Variants in TGFBRAP1 observed in about 807,000 individuals in gnomAD.
The protein encoded by TGFBRAP1 is transforming growth factor beta receptor associated protein 1.
Under a neutral mutation model 83.2 loss-of-function variants are expected in TGFBRAP1, and 20 were observed. The ratio of observed to expected loss-of-function variants is 0.24; its 90% confidence interval spans 0.17 to 0.35. The LOEUF is 0.35. TGFBRAP1 is among the 10% of genes least tolerant of loss of function. TGFBRAP1 has a pLI of 1.00. For synonymous variants in TGFBRAP1, 415 were observed against 459.8 expected (o/e 0.90, Z 1.25); for missense variants, 950 against 1,099.4 (o/e 0.86, Z 1.92).
Position 105,266,001 on chromosome 2 carries a change from G to A in TGFBRAP1, c.*1382C>T, listed in dbSNP as rs1314584325. ...GTACAAGCTGACGCTTGTTTCCCAA[G>A]CATGATAGTAGTGGGTAGACTGCCT... On this transcript the variant is annotated 3_prime_UTR_variant, in exon 12 of 12. Transcript: ENST00000393359. 1 of 152,246 alleles carries A rather than the reference G, an allele frequency of 6.6e-6. No individual in the cohort carries two copies. Among genetic ancestry groups the A allele is most frequent in the Admixed American group, 6.5e-5 (1 of 15,284 alleles). 9.4% of individuals were successfully genotyped at this position (152,246 alleles called of 1,614,324 possible). A position where few individuals can be genotyped will look rare whatever the true frequency, so the allele number is the denominator to read the frequency against.
Position 105,280,568 on chromosome 2 carries a change from C to T in TGFBRAP1, c.1277G>A (p.Arg426His), listed in dbSNP as rs748521397. 4.4e-5 allele frequency: 71 copies of T among 1,613,972 alleles called. No homozygotes were observed. The East Asian group carries it at 1.3e-3, about 30-fold the overall frequency. The change falls in exon 6 of 12, where the codon CGC becomes CAC. Residue 426 changes from arginine (R) to histidine (H), a missense_variant. Coordinates refer to ENST00000393359, the MANE Select transcript of TGFBRAP1 (RefSeq NM_004257.6). ...GDQEKMAKCK[R>H]FLMSYLNEVR... ...CTCGTTCAGGTAGCTCATGAGGAAG[C>T]GTTTGCACTTGGCCATCTTCTCCTG...
At chr2:105,268,075 T>G (rs542933629) in intron 11 of TGFBRAP1, among the ~76,000 whole-genome samples, 1 of 152,356 alleles carries the variant, frequency 6.6e-6, no homozygotes, top group South Asian at 2.1e-4. Flanking sequence ...AAACTGAGTC[T>G]TAATGCCATC....
At chr2:105,275,762 C>G in intron 7 of TGFBRAP1, 59 bp from the exon 8 acceptor site, 1 of 1,530,322 alleles carries the variant, frequency 6.5e-7, no homozygotes, top group African/African-American at 1.4e-5. Context: ...CATAAAGGCA[C>G]ATATCTCAGA....
intron 1 of TGFBRAP1, among the ~76,000 whole-genome samples, chr2:105,317,934 A>C (rs940533186): frequency 5.9e-5 from 9 of 152,180 alleles, no homozygotes; most frequent in Non-Finnish European, 1.5e-5. Context: ...ATGATACTTC[A>C]TTTTCTACCC....
At chr2:105,298,998 G>T (rs1455477611) in intron 2 of TGFBRAP1, among the ~76,000 whole-genome samples, 1 of 152,096 alleles carries the variant, frequency 6.6e-6, no homozygotes, top group African/African-American at 2.4e-5. Context: ...AATAAAATAG[G>T]CCGGACGTGG....
Position 105,326,290 on chromosome 2 carries a change from A to T in TGFBRAP1, c.-18+3335T>A, listed in dbSNP as rs114015586. Among the ~76,000 whole-genome samples the T allele has an allele frequency of 4.2e-3, 639 of 152,298 alleles. 2 individuals carry two copies. Among genetic ancestry groups the T allele is most frequent in the African/African-American group, 0.015 (609 of 41,568 alleles). ...TACATATATATAATATACATCCTATAAGAGTACCATCAGCAGTTAGAATTA... is the reference window on the plus strand; with the variant it reads ...TACATATATATAATATACATCCTATTAGAGTACCATCAGCAGTTAGAATTA... On this transcript the variant is annotated intron_variant, in intron 1 of 11. Transcript: ENST00000393359.
At chr2:105,319,164 G>T (rs1414920545) in intron 1 of TGFBRAP1, among the ~76,000 whole-genome samples, 1 of 151,952 alleles carries the variant, frequency 6.6e-6, no homozygotes, top group Non-Finnish European at 1.5e-5. Flanking sequence ...AGGTTCAAGC[G>T]ATTCTCGTGC....
At chr2:105,254,698 T>A in the TGFBRAP1 span, among the ~76,000 whole-genome samples, 1 of 152,000 alleles carries the variant, frequency 6.6e-6, no homozygotes. Flanking sequence ...TCTGGCCCCT[T>A]CCTACTACTA....
intron 8 of TGFBRAP1, among the ~76,000 whole-genome samples, chr2:105,274,200 T>C (rs1677258841): frequency 6.6e-6 from 1 of 152,192 alleles, no homozygotes; most frequent in Non-Finnish European, 1.5e-5. Flanking sequence ...AGATCTGAGC[T>C]TCCAGTCCCT....
At chr2:105,293,601 T>C (rs555015752) in intron 4 of TGFBRAP1, among the ~76,000 whole-genome samples, 207 of 152,366 alleles carry the variant, frequency 1.4e-3, no homozygotes, top group African/African-American at 4.8e-3. Flanking sequence ...ACAAACACTC[T>C]AAGACTAAAA....
chr2:105,325,173 A>T (rs7600689), intron 1 of TGFBRAP1: 33,696 of 152,096 alleles, frequency 0.22, 4,844 homozygotes, highest in East Asian at 0.55. Flanking sequence ...CAAAGCACAC[A>T]TCCTTAATCA....
intron 4 of TGFBRAP1, among the ~76,000 whole-genome samples, chr2:105,292,053 G>A (rs1213520077): frequency 6.6e-6 from 1 of 152,132 alleles, no homozygotes; most frequent in Non-Finnish European, 1.5e-5. Context: ...GCAATGAACT[G>A]TCACTGTCAT....
chr2:105,301,240 A>AAATG (rs1391871070), intron 2 of TGFBRAP1, among the ~76,000 whole-genome samples: 1 of 151,958 alleles, frequency 6.6e-6, no homozygotes, highest in African/African-American at 2.4e-5. Flanking sequence ...ATAAATAAAT[A>AAATG]AATAATTTAA....
Position 105,307,881 on chromosome 2 carries a change from T to C in TGFBRAP1, c.421A>G (p.Ile141Val). 1 of 1,614,174 alleles carries C rather than the reference T, an allele frequency of 6.2e-7. No homozygotes were observed. The highest frequency in any genetic ancestry group is 8.5e-7 in the Non-Finnish European group (1 of 1,180,022). ...GDPFCVEVCIISVKRRTIQMF... is the reference protein window; with the variant it reads ...GDPFCVEVCIVSVKRRTIQMF... ...TGGATGGTTCTGCGTTTGACAGAGA[T>C]GATGCAAACTTCTACACAGAAGGGG... Residue 141 changes from isoleucine to valine, a missense_variant, in exon 2 of 12, where the codon ATC (isoleucine) becomes GTC (valine). Transcript: ENST00000393359.
rs148261721 is a variant in TGFBRAP1, at chr2:105,293,088, T to C, written c.1038+3268A>G. Among the ~76,000 whole-genome samples, 84 of 152,058 alleles carry C rather than the reference T, an allele frequency of 5.5e-4. 1 individual carries two copies. The highest frequency in any genetic ancestry group is 1.9e-3 in the African/African-American group (77 of 41,466). ...CAGCACACAAAGGAATCAGTGCTGA[T>C]ATGGGGGAATGACGACAATGGTACT... On this transcript the variant is annotated intron_variant, in intron 4 of 11. Transcript: ENST00000393359.
intron 4 of TGFBRAP1, among the ~76,000 whole-genome samples, chr2:105,292,258 G>A (rs1309932904): frequency 6.6e-6 from 1 of 152,116 alleles, no homozygotes; most frequent in Non-Finnish European, 1.5e-5. Context: ...AAAAAGTACA[G>A]ACAATATAAC....
In TGFBRAP1 at chr2:105,269,375, G is replaced by A. The variant is rs1417568638; in HGVS notation, c.2303C>T (p.Pro768Leu). Residue 768 changes from proline to leucine, a missense_variant, in exon 11 of 12, where the codon CCA (proline) becomes CTA (leucine). By Grantham distance (98) the Pro-to-Leu change is moderately conservative. Transcript: ENST00000393359. This position sits in a 1 kb window ranked among gnomAD's most constrained non-coding sequence, Gnocchi z 4.1. ...GTCCCTCATGGCCCCCATCAGGAAT[G>A]GGCAGAGGAGCTGCACTGACCAGGT... is the stretch of plus-strand genomic sequence containing the variant. Reference protein sequence around the residue: ...PDTWSVQLLCPFLMGAMRDSI... With the variant: ...PDTWSVQLLCLFLMGAMRDSI... 1.9e-6 allele frequency: 3 copies of A among 1,614,052 alleles called. No homozygotes were observed. The highest frequency in any genetic ancestry group is 2.5e-6 in the Non-Finnish European group (3 of 1,180,024).
At position 105,264,436 on chromosome 2, in the gene TGFBRAP1, T is replaced by TA. The variant is rs1293644590; in HGVS notation, c.*2946dup. On this transcript the variant is annotated 3_prime_UTR_variant, in exon 12 of 12. Transcript: ENST00000393359. The stretch of plus-strand genomic sequence containing the variant: ...CACTCCATCAAGGCAATTTTTATTT[T>TA]AAAAAATTACAGAAAGAACAAAGAA... 6.6e-6 allele frequency: 1 copy of TA among 152,204 alleles called. No individual in the cohort carries two copies. The highest frequency in any genetic ancestry group is 1.5e-5 in the Non-Finnish European group (1 of 68,034). 9.4% of individuals were successfully genotyped at this position (152,204 alleles called of 1,614,324 possible).
At chr2:105,272,735 G>T in intron 10 of TGFBRAP1, 120 bp downstream of exon 10, 3 of 1,293,412 alleles carry the variant, frequency 2.3e-6, no homozygotes, top group Non-Finnish European at 3.2e-6. Flanking sequence ...AAAAAAAGAG[G>T]CTCAAAGAAT....
Sources: allele counts gnomAD v4.1 joint callset (sites outside exome capture counted in the v4.1 genomes callset), GRCh38; gene constraint gnomAD v4.1.1; non-coding constraint Gnocchi (gnomAD v3.1); transcripts MANE v1.5; gene names NCBI Gene and HGNC (gene_info 2026-07-23, HGNC 2026-07-21).